MARK2: variants seen among roughly 807,000 people sequenced by gnomAD.
The protein encoded by MARK2 is serine/threonine-protein kinase MARK2.
Under a neutral mutation model 89.8 loss-of-function variants are expected in MARK2, and 16 were observed. That is an observed-to-expected ratio of 0.18 (90% CI 0.12 to 0.27). The LOEUF is 0.27. MARK2 is among the 10% of genes least tolerant of loss of function. MARK2 has a pLI of 1.00. For missense variants in MARK2, 621 were observed against 1,049.9 expected, an observed-to-expected ratio of 0.59 and a Z score of 5.65; for synonymous variants, 382 against 399.5, an observed-to-expected ratio of 0.96 and a Z score of 0.52.
intron 1 of MARK2, chr11:63,890,270 T>TA: frequency 3.0e-6 from 4 of 1,345,842 alleles, no homozygotes; most frequent in Non-Finnish European, 3.9e-6. Context: ...GGAAACATCT[T>TA]ACAGCATAGA....
chr11:63,869,399 G>C (rs1938323487), intron 1 of MARK2: 1 of 162,278 alleles, frequency 6.2e-6, no homozygotes, highest in South Asian at 1.6e-4. Context: ...GGAACTAGGT[G>C]TGCCACTTAC....
chr11:63,875,904 G>A (rs1938723706), intron 1 of MARK2, among the ~76,000 whole-genome samples: 1 of 152,190 alleles, frequency 6.6e-6, no homozygotes, highest in Non-Finnish European at 1.5e-5. Flanking sequence ...TCTCACAGCT[G>A]AAGAGGCAGC....
intron 1 of MARK2, among the ~76,000 whole-genome samples, chr11:63,882,405 G>A (rs1190871534): frequency 6.6e-6 from 1 of 151,972 alleles, no homozygotes; most frequent in Non-Finnish European, 1.5e-5. Flanking sequence ...CCAACGTGGA[G>A]AAACCCTGTC....
chr11:63,908,448 G>A, intron 18 of MARK2, 144 bp downstream of exon 18: 3 of 673,222 alleles, frequency 4.5e-6, no homozygotes, highest in Non-Finnish European at 7.7e-6. Flanking sequence ...TTTCCTCAGA[G>A]AGTTTCCCCT....
intron 16 of MARK2, among the ~76,000 whole-genome samples, chr11:63,905,822 G>A (rs942321840): frequency 2.0e-5 from 3 of 152,164 alleles, no homozygotes; most frequent in African/African-American, 7.2e-5. Flanking sequence ...AGGCTCGCCT[G>A]CCCTTCCTCT....
At chr11:63,890,277 TAGA>T in intron 1 of MARK2, 1 of 1,345,652 alleles carries the variant, frequency 7.4e-7, no homozygotes, top group Non-Finnish European at 9.8e-7. Flanking sequence ...TCTTACAGCA[TAGA>T]AGAAGGGGTG....
chr11:63,848,427 C>G (rs918396546), intron 1 of MARK2, among the ~76,000 whole-genome samples: 2 of 152,112 alleles, frequency 1.3e-5, no homozygotes, highest in African/African-American at 4.8e-5. Context: ...GCTCTGTTGC[C>G]CAGGCTGGAG....
chr11:63,855,531 A>AC (rs201214835), intron 1 of MARK2, among the ~76,000 whole-genome samples: 2,180 of 151,940 alleles, frequency 0.014, 55 homozygotes, highest in East Asian at 0.046. Context: ...CAAAAACAAA[A>AC]AAAAAAAAAA....
chr11:63,854,340 C>A (rs1049966344), intron 1 of MARK2, among the ~76,000 whole-genome samples: 1 of 150,574 alleles, frequency 6.6e-6, no homozygotes, highest in Non-Finnish European at 1.5e-5. Context: ...GCTGGTACTA[C>A]AGGTCCGCAC....
chr11:63,885,090 G>C (rs1939314813), intron 1 of MARK2, among the ~76,000 whole-genome samples: 2 of 152,006 alleles, frequency 1.3e-5, no homozygotes, highest in Non-Finnish European at 2.9e-5. Context: ...GTAGCCCCAG[G>C]TATTCAAGAG....
At chr11:63,850,169 A>T (rs1463065239) in intron 1 of MARK2, 2 of 148,574 alleles carry the variant, frequency 1.3e-5, no homozygotes, top group African/African-American at 5.1e-5. Context: ...TTTTTTTGAG[A>T]TGGAGTCTTG....
chr11:63,857,144 T>C (rs922804177), intron 1 of MARK2, among the ~76,000 whole-genome samples: 5 of 151,774 alleles, frequency 3.3e-5, no homozygotes, highest in African/African-American at 1.2e-4. Flanking sequence ...ATTTCCTTTT[T>C]GTTCGTTTTC....
Position 63,895,571 on chromosome 11 carries a change from CA to C in MARK2, c.235-8del, listed in dbSNP as rs1940307799. The C allele has an allele frequency of 5.0e-6, 8 of 1,610,540 alleles. No homozygotes were observed. The highest frequency in any genetic ancestry group is 6.8e-6 in the Non-Finnish European group (8 of 1,178,044). ...GAAGTGATTTGGGGCCTTTTTGTCT[CA>C]TCCTCAGGTAGCTGTGAAGATCATT... On this transcript the variant is annotated splice_polypyrimidine_tract_variant and splice_region_variant and intron_variant, in intron 2 of 18. Coordinates refer to ENST00000402010, the MANE Select transcript of MARK2 (RefSeq NM_001039469.3).
chr11:63,887,714 G>A (rs1339335571), intron 1 of MARK2, among the ~76,000 whole-genome samples: 2 of 119,768 alleles, frequency 1.7e-5, no homozygotes, highest in African/African-American at 2.6e-5. Context: ...CATAGACAGG[G>A]GTCGTTGGTC....
At chr11:63,905,990 G>A (rs1025371258) in intron 16 of MARK2, 98 bp from the exon 17 acceptor site, 9 of 1,068,740 alleles carry the variant, frequency 8.4e-6, no homozygotes, top group Non-Finnish European at 9.8e-6. Flanking sequence ...CCTTGAACCT[G>A]TAAAGCCACC....
At chr11:63,858,481 G>A (rs1013659446) in intron 1 of MARK2, among the ~76,000 whole-genome samples, 3 of 152,084 alleles carry the variant, frequency 2.0e-5, no homozygotes, top group African/African-American at 7.2e-5. Context: ...AGCCTCTTGA[G>A]TAGCTGGGAT....
At chr11:63,886,425 G>A (rs1238486040) in intron 1 of MARK2, among the ~76,000 whole-genome samples, 5 of 150,088 alleles carry the variant, frequency 3.3e-5, no homozygotes, top group African/African-American at 2.4e-5. Context: ...GCTCAGCCCC[G>A]TGTGGCTTTT....
intron 1 of MARK2, among the ~76,000 whole-genome samples, chr11:63,846,718 C>T (rs547375448): frequency 1.2e-3 from 181 of 150,890 alleles, no homozygotes; most frequent in African/African-American, 4.3e-3. Context: ...TGCAGTGGCA[C>T]GATCTCGGCT....
At chr11:63,856,573 G>A (rs1338234313) in intron 1 of MARK2, among the ~76,000 whole-genome samples, 3 of 150,474 alleles carry the variant, frequency 2.0e-5, no homozygotes, top group South Asian at 2.1e-4. Flanking sequence ...ACAGGTGTGC[G>A]CTACCACACC....
Sources: gnomAD v4.1 joint callset for allele counts (sites outside exome capture counted in the v4.1 genomes callset) on GRCh38, gnomAD v4.1.1 for gene constraint, MANE v1.5 for transcripts, NCBI Gene and HGNC (gene_info 2026-07-23, HGNC 2026-07-21) for gene names.